DNA2: variants seen among roughly 807,000 people sequenced by gnomAD.
DNA2 encodes DNA replication helicase/nuclease 2, also known as DNA replication ATP-dependent helicase/nuclease DNA2.
Under a neutral mutation model 119.1 loss-of-function variants are expected in DNA2, and 101 were observed. That is an observed-to-expected ratio of 0.85 (90% confidence interval 0.72 to 1.00). The LOEUF is 1.00. Ranked by LOEUF, DNA2 falls within the 50% of genes least tolerant of loss-of-function variation. DNA2 has a pLI of 0.00. For missense variants in DNA2, 1,121 were observed against 1,255.5 expected (o/e 0.89, Z 1.62); for synonymous variants, 366 against 424.4 (o/e 0.86, Z 1.69).
intron 5 of DNA2, among the ~76,000 whole-genome samples, chr10:68,455,478 G>A (rs536674912): frequency 1.4e-4 from 22 of 152,204 alleles, no homozygotes; most frequent in African/African-American, 5.3e-4. Flanking sequence ...TTTTCTTAGT[G>A]TAGGGAGCTG....
intron 3 of DNA2, among the ~76,000 whole-genome samples, chr10:68,467,246 G>A (rs2052337748): frequency 6.6e-6 from 1 of 151,830 alleles, no homozygotes; most frequent in Non-Finnish European, 1.5e-5. Context: ...GAGTAGCTAG[G>A]ATTACAGGCG....
intron 8 of DNA2, 119 bp from the exon 9 acceptor site, chr10:68,443,230 C>A: frequency 3.5e-6 from 3 of 860,418 alleles, no homozygotes; most frequent in Non-Finnish European, 5.1e-6. Flanking sequence ...ATAACCACAG[C>A]CCCTAATGTT....
At chr10:68,458,909 A>T (rs2052220409) in intron 5 of DNA2, among the ~76,000 whole-genome samples, 195 bp downstream of exon 5, 1 of 152,202 alleles carries the variant, frequency 6.6e-6, no homozygotes. Context: ...CTATCATAAT[A>T]ATGAAAATAA....
In DNA2 at chr10:68,428,426, A is replaced by G. The variant is rs569684771; in HGVS notation, c.2208+2010T>C. Among the ~76,000 whole-genome samples, 3 of 152,318 alleles carry G rather than the reference A, an allele frequency of 2.0e-5. No homozygotes were observed. The East Asian group carries it at 5.8e-4, about 29-fold the overall frequency. Reference sequence around the variant, plus strand: ...AACAGTTTGGCAGATTAAAAAAAAAAAATGAACATGCAACTACCAATCAAT... The same window carrying G: ...AACAGTTTGGCAGATTAAAAAAAAAGAATGAACATGCAACTACCAATCAAT... On this transcript the variant is annotated intron_variant, in intron 14 of 20. Transcript: ENST00000358410.
chr10:68,440,635 T>C (rs1321159577), intron 9 of DNA2, among the ~76,000 whole-genome samples: 2 of 151,784 alleles, frequency 1.3e-5, no homozygotes, highest in Non-Finnish European at 2.9e-5. Context: ...AAGTTTCACA[T>C]ACTACAAAAG....
intron 10 of DNA2, among the ~76,000 whole-genome samples, chr10:68,433,714 G>C (rs1397726628): frequency 6.6e-6 from 1 of 152,160 alleles, no homozygotes; most frequent in East Asian, 1.9e-4. Context: ...ATTTTTTGGA[G>C]AGATGGGGGT....
At position 68,450,071 on chromosome 10, in the gene DNA2, A is replaced by G. The variant is rs2052097908; in HGVS notation, c.896T>C (p.Leu299Pro). Residue 299 changes from leucine (L) to proline (P), a missense_variant, in exon 6 of 21, where the codon CTT becomes CCT. By Grantham distance (98) the Leu-to-Pro change is moderately conservative (BLOSUM62 -3). Coordinates refer to ENST00000358410, the MANE Select transcript of DNA2 (RefSeq NM_001080449.3). ...AGAATTTGATTCTTTGCCAGTTTTA[A>G]GTTCCAGCGGCATTATCTTGTATTT... ...KTKYKIMPLE[L>P]KTGKESNSIE... 5 of 1,601,524 alleles carry G rather than the reference A, an allele frequency of 3.1e-6. No homozygotes were observed. The highest frequency in any genetic ancestry group is 1.3e-5 in the African/African-American group (1 of 74,830).
chr10:68,433,665 G>A (rs905326605), intron 10 of DNA2, among the ~76,000 whole-genome samples: 6 of 152,066 alleles, frequency 3.9e-5, no homozygotes, highest in African/African-American at 1.4e-4. Flanking sequence ...GAGTAGGTGG[G>A]ACTACACGTG....
chr10:68,465,706 G>C lies in DNA2; in HGVS notation c.548C>G (p.Ala183Gly), dbSNP rs2052318838. The C allele has an allele frequency of 6.2e-7, 1 of 1,605,508 alleles. No individual in the cohort carries two copies. The highest frequency in any genetic ancestry group is 8.5e-7 in the Non-Finnish European group (1 of 1,176,630). Reference sequence around the variant, plus strand: ...TCTTATTTCTTGAATTGTTTGAAAAGCAAGTTCTTGTAGCTTTTCTGGGGC... The same window carrying C: ...TCTTATTTCTTGAATTGTTTGAAAACCAAGTTCTTGTAGCTTTTCTGGGGC... ...SFAPEKLQEL[A>G]FQTIQEIRHL... Residue 183 changes from alanine to glycine, a missense_variant, in exon 4 of 21, where the codon GCT (alanine) becomes GGT (glycine). Physicochemically the swap from Ala to Gly is moderately conservative, Grantham distance 60. Transcript: ENST00000358410.
At chr10:68,459,056 G>C (rs1383108319) in intron 5 of DNA2, 48 bp downstream of exon 5, 2 of 1,446,614 alleles carry the variant, frequency 1.4e-6, no homozygotes, top group Non-Finnish European at 1.8e-6. Flanking sequence ...ATGGCATCCT[G>C]GTCTAAAAAT....
At chr10:68,466,021 C>T (rs1324591769) in intron 3 of DNA2, among the ~76,000 whole-genome samples, 2 of 148,780 alleles carry the variant, frequency 1.3e-5, no homozygotes, top group Non-Finnish European at 3.0e-5. Flanking sequence ...ATGAGTTATC[C>T]TTTTTTTTTT....
chr10:68,460,030 T>TACACACACACACAAAC lies in DNA2; in HGVS notation c.588-796_588-795insGTTTGTGTGTGTGTGT, dbSNP rs1554909245. 3.3e-3 allele frequency among the ~76,000 whole-genome samples: 486 copies of TACACACACACACAAAC among 145,698 alleles called. 9 individuals are homozygous for TACACACACACACAAAC. Among genetic ancestry groups the TACACACACACACAAAC allele is most frequent in the African/African-American group, 0.012 (458 of 39,348 alleles). ...CAAGAGAGCAAGACTCCATCACAAA[T>TACACACACACACAAAC]ACACACACACACACACACACACACA... On this transcript the variant is annotated intron_variant, in intron 4 of 20. Transcript: ENST00000358410.
chr10:68,436,943 G>C (rs916081884), intron 10 of DNA2, 68 bp downstream of exon 10: 1 of 1,225,400 alleles, frequency 8.2e-7, no homozygotes, highest in African/African-American at 1.5e-5. Context: ...CATTTTAAAT[G>C]GATGAACTAC....
chr10:68,418,988 G>C (rs1413592089), intron 19 of DNA2, 46 bp downstream of exon 19: 3 of 1,524,850 alleles, frequency 2.0e-6, no homozygotes, highest in Admixed American at 2.1e-5. Context: ...TTTTTAAAGA[G>C]AGAGAAATGC....
chr10:68,462,464 G>A (rs1215834702), intron 4 of DNA2, among the ~76,000 whole-genome samples: 1 of 152,152 alleles, frequency 6.6e-6, no homozygotes, highest in Admixed American at 6.6e-5. Context: ...CATAGATATA[G>A]CCCACATAAA....
intron 9 of DNA2, among the ~76,000 whole-genome samples, chr10:68,441,712 T>G (rs143856544): frequency 2.0e-5 from 3 of 152,004 alleles, no homozygotes; most frequent in Admixed American, 2.0e-4. Flanking sequence ...ACAGCAGAGA[T>G]TGCAGTGAGC....
At chr10:68,435,574 G>C (rs958589816) in intron 10 of DNA2, among the ~76,000 whole-genome samples, 1 of 152,038 alleles carries the variant, frequency 6.6e-6, no homozygotes, top group Non-Finnish European at 1.5e-5. Flanking sequence ...CCCTGCCTCA[G>C]CCTCCCAAGT....
At chr10:68,459,763 T>C (rs183107788) in intron 4 of DNA2, among the ~76,000 whole-genome samples, 45 of 152,300 alleles carry the variant, frequency 3.0e-4, no homozygotes, top group African/African-American at 1.1e-3. Context: ...GCGCAGTGGC[T>C]CACATCTGTA....
intron 14 of DNA2, among the ~76,000 whole-genome samples, chr10:68,429,581 G>A (rs551578275): frequency 9.5e-5 from 14 of 147,866 alleles, no homozygotes; most frequent in South Asian, 4.3e-4. Flanking sequence ...GCGTGGTGGC[G>A]GGTGCCTGTA....
Sources: gnomAD v4.1 joint callset for allele counts (sites outside exome capture counted in the v4.1 genomes callset) on GRCh38, gnomAD v4.1.1 for gene constraint, MANE v1.5 for transcripts, NCBI Gene and HGNC (gene_info 2026-07-23, HGNC 2026-07-21) for gene names.